The following RREB1 variants were observed in gnomAD, a reference collection of about 807,000 sequenced individuals.
RREB1 encodes the protein ras-responsive element-binding protein 1.
In RREB1, 27 loss-of-function variants were observed where a neutral mutation model predicts 117.8. The ratio of observed to expected loss-of-function variants is 0.23; its 90% CI spans 0.17 to 0.32. The LOEUF is 0.32. RREB1 is among the 10% of genes least tolerant of loss of function. The probability of loss-of-function intolerance (pLI) is 1.00; values close to 1 mark genes in which losing one functional copy is unlikely to be tolerated. For missense variants in RREB1, 2,577 were observed against 2,378.2 expected (o/e 1.08, Z -1.74); for synonymous variants, 1,298 against 1,026.7 (o/e 1.26, Z -5.05).
intron 1 of RREB1, among the ~76,000 whole-genome samples, chr6:7,176,315 G>T (rs1409972465): frequency 4.6e-5 from 7 of 152,176 alleles, no homozygotes; most frequent in African/African-American, 1.7e-4. Flanking sequence ...CAGTCTGTAG[G>T]TGTCTGCTGT....
chr6:7,148,042 C>T (rs1417130975), intron 1 of RREB1, among the ~76,000 whole-genome samples: 1 of 152,146 alleles, frequency 6.6e-6, no homozygotes, highest in Non-Finnish European at 1.5e-5. Context: ...GCTTATTTGG[C>T]ATTCTTCGGT....
chr6:7,224,994 A>G (rs532843239), intron 8 of RREB1, among the ~76,000 whole-genome samples: 50 of 152,218 alleles, frequency 3.3e-4, no homozygotes, highest in African/African-American at 1.2e-3. Context: ...TGTGCCCGCT[A>G]CAGCGCGATA....
chr6:7,225,975 A>C (rs569668821), intron 8 of RREB1, among the ~76,000 whole-genome samples: 6 of 152,346 alleles, frequency 3.9e-5, no homozygotes, highest in Admixed American at 3.3e-4. Flanking sequence ...TTAGATTGGA[A>C]AATTTAATAA....
At position 7,248,500 on chromosome 6, in the gene RREB1, C is replaced by T. The variant is rs767112075; in HGVS notation, c.4772-11C>T. 1 of 1,611,694 alleles carries T rather than the reference C, an allele frequency of 6.2e-7. No homozygotes were observed. The highest frequency in any genetic ancestry group is 2.2e-5 in the East Asian group (1 of 44,870). ...TTTGGTTAATGGAAATTCTTTCTTC[C>T]ATTGTTCCAGGGGAAAGGCCATACA... On this transcript the variant is annotated splice_polypyrimidine_tract_variant and intron_variant, in intron 12 of 12. Coordinates refer to ENST00000379938, the MANE Select transcript of RREB1 (RefSeq NM_001003699.4).
chr6:7,178,884 G>A (rs1221507604), intron 2 of RREB1, among the ~76,000 whole-genome samples: 1 of 152,162 alleles, frequency 6.6e-6, no homozygotes, highest in Non-Finnish European at 1.5e-5. Context: ...TTCCTGTCCA[G>A]ACAAAATGGC....
At chr6:7,157,068 C>CTTCTT (rs1380607050) in intron 1 of RREB1, among the ~76,000 whole-genome samples, 3 of 152,172 alleles carry the variant, frequency 2.0e-5, no homozygotes, top group Non-Finnish European at 4.4e-5. Context: ...TCCATCAGCT[C>CTTCTT]TTCTTTTCTC....
chr6:7,236,887 G>GTTTTTTTTTTTTTTT (rs869133214), intron 10 of RREB1, among the ~76,000 whole-genome samples: 1 of 63,404 alleles, frequency 1.6e-5, no homozygotes, highest in African/African-American at 6.9e-5. Flanking sequence ...GTTTTTGGAG[G>GTTTTTTTTTTTTTTT]TTTTTTTTTT....
chr6:7,199,201 T>C lies in RREB1; in HGVS notation c.425+9879T>C, dbSNP rs527489156. Among the ~76,000 whole-genome samples, 7 of 152,348 alleles carry C rather than the reference T, an allele frequency of 4.6e-5. No homozygotes were observed. In the South Asian group the frequency reaches 1.4e-3, roughly 32 times the overall value. On this transcript the variant is annotated intron_variant, in intron 6 of 12. Coordinates refer to ENST00000379938, the MANE Select transcript of RREB1 (RefSeq NM_001003699.4). The stretch of plus-strand genomic sequence containing the variant: ...TTTTCTGGCCAGGGCTGATAAAGGA[T>C]ACTCCCTGGAATGGTCAAGAGCCTC...
intron 11 of RREB1, among the ~76,000 whole-genome samples, chr6:7,245,916 C>T (rs1232468822): frequency 6.6e-6 from 1 of 152,210 alleles, no homozygotes; most frequent in African/African-American, 2.4e-5. Flanking sequence ...ACACACACAA[C>T]GCAGGCTTGG....
chr6:7,210,061 G>T (rs182820857), intron 6 of RREB1, among the ~76,000 whole-genome samples: 3 of 152,312 alleles, frequency 2.0e-5, no homozygotes, highest in African/African-American at 4.8e-5. Flanking sequence ...GTTTGTTTTA[G>T]AACTCAATAA....
chr6:7,142,911 A>T (rs1190501170), intron 1 of RREB1, among the ~76,000 whole-genome samples: 1 of 152,194 alleles, frequency 6.6e-6, no homozygotes, highest in Non-Finnish European at 1.5e-5. Context: ...ACCCCTCTCC[A>T]GGAGGTTCTG....
intron 1 of RREB1, among the ~76,000 whole-genome samples, chr6:7,154,205 T>A (rs1763255870): frequency 6.6e-6 from 1 of 152,252 alleles, no homozygotes; most frequent in Non-Finnish European, 1.5e-5. Context: ...TAGAACATAA[T>A]GACACTTTGG....
chr6:7,186,793 C>T (rs1765103863), intron 4 of RREB1, among the ~76,000 whole-genome samples: 1 of 152,168 alleles, frequency 6.6e-6, no homozygotes, highest in Non-Finnish European at 1.5e-5. Flanking sequence ...TGGAAGTCTT[C>T]AGTTTGGGTT....
At chr6:7,142,547 C>T (rs1037230351) in intron 1 of RREB1, among the ~76,000 whole-genome samples, 2 of 152,266 alleles carry the variant, frequency 1.3e-5, no homozygotes, top group African/African-American at 4.8e-5. Context: ...TGCTGCCAGG[C>T]GCCTTGCTGA....
intron 1 of RREB1, among the ~76,000 whole-genome samples, chr6:7,129,612 C>T (rs1172249591): frequency 6.6e-6 from 1 of 152,256 alleles, no homozygotes; most frequent in Non-Finnish European, 1.5e-5. Context: ...GATGTACACA[C>T]ATAGCGAAGC....
At chr6:7,155,554 G>C (rs1763326815) in intron 1 of RREB1, among the ~76,000 whole-genome samples, 2 of 152,204 alleles carry the variant, frequency 1.3e-5, no homozygotes, top group Non-Finnish European at 2.9e-5. Flanking sequence ...CAGGTGATTG[G>C]CCTGCCTCAG....
chr6:7,229,277 T>C lies in RREB1; in HGVS notation c.1178T>C (p.Leu393Pro). 2 of 1,613,900 alleles carry C rather than the reference T, an allele frequency of 1.2e-6. No homozygotes were observed. Among genetic ancestry groups the C allele is most frequent in the Non-Finnish European group, 1.7e-6 (2 of 1,179,970 alleles). ...PLPDDNQAIQ[L>P]QTLKCQLPQD... ...CCGGATGACAACCAGGCAATTCAGC[T>C]CCAGACACTCAAGTGTCAGCTACCT... Residue 393 changes from leucine (L) to proline (P), a missense_variant, in exon 10 of 13, where the codon CTC becomes CCC. Coordinates refer to ENST00000379938, the MANE Select transcript of RREB1 (RefSeq NM_001003699.4). This position sits in a 1 kb window ranked among gnomAD's most constrained non-coding sequence, Gnocchi z 4.5.
At chr6:7,142,771 G>T (rs749638514) in intron 1 of RREB1, among the ~76,000 whole-genome samples, 1 of 152,246 alleles carries the variant, frequency 6.6e-6, no homozygotes, top group African/African-American at 2.4e-5. Flanking sequence ...GTGACTTTAC[G>T]TGGCACCCCC....
chr6:7,219,133 G>A (rs149442459), intron 8 of RREB1: 17,405 of 144,630 alleles, frequency 0.12, 1,478 homozygotes, highest in Non-Finnish European at 0.18. Flanking sequence ...AGCCAGGCAC[G>A]GTGTCTCAGG....
Sources: allele counts gnomAD v4.1 joint callset (sites outside exome capture counted in the v4.1 genomes callset), GRCh38; gene constraint gnomAD v4.1.1; non-coding constraint Gnocchi (gnomAD v3.1); transcripts MANE v1.5; gene names NCBI Gene and HGNC (gene_info 2026-07-23, HGNC 2026-07-21).